The following PHLDB2 variants were observed in gnomAD, a reference collection of about 807,000 sequenced individuals.
PHLDB2 encodes pleckstrin homology like domain family B member 2, also known as pleckstrin homology-like domain family B member 2.
PHLDB2 carries 71 observed loss-of-function variants against 123.6 expected under a neutral mutation model. The ratio of observed to expected loss-of-function variants is 0.57; its 90% CI spans 0.47 to 0.70. The LOEUF is 0.70. Ranked by LOEUF, PHLDB2 falls within the 30% of genes least tolerant of loss-of-function variation. PHLDB2 has a pLI of 0.00. For synonymous variants in PHLDB2, 547 were observed against 541.6 expected, an observed-to-expected ratio of 1.01 and a Z score of -0.14; for missense variants, 1,446 against 1,519.5, an observed-to-expected ratio of 0.95 and a Z score of 0.80.
At chr3:111,830,955 G>GAGAGAGAGAGAAAGAAAGAAAGAAAGAA (rs1553736315) in intron 1 of PHLDB2, among the ~76,000 whole-genome samples, 3 of 63,706 alleles carry the variant, frequency 4.7e-5, no homozygotes, top group African/African-American at 7.4e-5. Flanking sequence ...AAGAAAGAAA[G>GAGAGAGAGAGAAAGAAAGAAAGAAAGAA]AGAAAGAAAG....
At chr3:111,963,790 A>G (rs1164772147) in intron 13 of PHLDB2, among the ~76,000 whole-genome samples, 1 of 152,216 alleles carries the variant, frequency 6.6e-6, no homozygotes, top group African/African-American at 2.4e-5. Flanking sequence ...AACAAATCTT[A>G]AGCAGAAAAG....
intron 1 of PHLDB2, among the ~76,000 whole-genome samples, chr3:111,774,275 A>G (rs1299975784): frequency 6.6e-6 from 1 of 152,172 alleles, no homozygotes; most frequent in Non-Finnish European, 1.5e-5. Context: ...TCAGGAATGC[A>G]TTTCACAGCA....
intron 1 of PHLDB2, among the ~76,000 whole-genome samples, chr3:111,824,775 A>C (rs1000348086): frequency 3.3e-5 from 5 of 152,228 alleles, no homozygotes; most frequent in African/African-American, 9.6e-5. Context: ...CTAATTTGAC[A>C]AACTTGTGGC....
intron 1 of PHLDB2, among the ~76,000 whole-genome samples, chr3:111,866,218 A>G (rs970132351): frequency 2.0e-5 from 3 of 151,948 alleles, no homozygotes; most frequent in East Asian, 3.9e-4. Context: ...GGGTTTCGCC[A>G]TATTGGCCAG....
chr3:111,942,959 C>A (rs1577147617), intron 8 of PHLDB2, among the ~76,000 whole-genome samples: 1 of 152,062 alleles, frequency 6.6e-6, no homozygotes, highest in South Asian at 2.1e-4. Context: ...CTTGCAGGAA[C>A]CCAACCCTGT....
At chr3:111,925,959 GA>G (rs1377216359) in intron 5 of PHLDB2, among the ~76,000 whole-genome samples, 2 of 152,356 alleles carry the variant, frequency 1.3e-5, no homozygotes, top group East Asian at 3.9e-4. Flanking sequence ...AAATGGTTAA[GA>G]AAAGCTTCTG....
intron 1 of PHLDB2, among the ~76,000 whole-genome samples, chr3:111,776,162 C>T (rs1670178969): frequency 1.3e-5 from 2 of 152,030 alleles, no homozygotes; most frequent in Non-Finnish European, 2.9e-5. Flanking sequence ...AAATGTGGAC[C>T]TTTAGAGGAA....
intron 4 of PHLDB2, among the ~76,000 whole-genome samples, chr3:111,920,002 G>A (rs1282796941): frequency 6.6e-6 from 1 of 152,160 alleles, no homozygotes; most frequent in Non-Finnish European, 1.5e-5. Flanking sequence ...GAAGCAAATA[G>A]GCAAAATATC....
At chr3:111,820,940 G>A (rs568944534) in intron 1 of PHLDB2, among the ~76,000 whole-genome samples, 1 of 152,308 alleles carries the variant, frequency 6.6e-6, no homozygotes, top group South Asian at 2.1e-4. Flanking sequence ...CCAGAGTCAA[G>A]CAAGATTTTG....
chr3:111,877,077 A>G (rs904131501), intron 1 of PHLDB2, among the ~76,000 whole-genome samples: 3 of 152,186 alleles, frequency 2.0e-5, no homozygotes, highest in African/African-American at 7.2e-5. Flanking sequence ...TCCTTTGGGT[A>G]TATATCCAGT....
chr3:111,924,776 A>C (rs1000901429), intron 5 of PHLDB2, among the ~76,000 whole-genome samples: 2 of 152,240 alleles, frequency 1.3e-5, no homozygotes, highest in Admixed American at 6.5e-5. Context: ...ACAAGGCCGG[A>C]GCCATAGGAA....
rs972871881 is a variant in PHLDB2 at position 111,779,905 on chromosome 3, G to C, written c.-49+47202G>C. ...TCAGCCATGGCCAATGAAGGGTTGG[G>C]TCATACACCCAACACTTGGCTATTT... On this transcript the variant is annotated intron_variant, in intron 1 of 17. Transcript: ENST00000393923. The C allele has an allele frequency of 1.9e-5, 18 of 969,706 alleles. No individual in the cohort carries two copies. The African/African-American group carries it at 3.2e-4, about 17-fold the overall frequency. The allele number at this position is 969,706 out of a possible 1,614,324, so 60.1% of individuals were successfully genotyped here. A position where few individuals can be genotyped will look rare whatever the true frequency, so the allele number is the denominator to read the frequency against.
intron 1 of PHLDB2, among the ~76,000 whole-genome samples, chr3:111,837,491 A>C (rs1321626116): frequency 6.6e-6 from 1 of 152,168 alleles, no homozygotes; most frequent in African/African-American, 2.4e-5. Context: ...TGCTGTACTC[A>C]AATAAATCTG....
At chr3:111,817,136 T>C (rs1348312713) in intron 1 of PHLDB2, among the ~76,000 whole-genome samples, 4 of 152,172 alleles carry the variant, frequency 2.6e-5, no homozygotes, top group Admixed American at 2.0e-4. Context: ...GTCTCAGGCA[T>C]GTCTTTATCA....
chr3:111,860,715 C>G (rs534215540), intron 1 of PHLDB2, among the ~76,000 whole-genome samples: 29 of 152,162 alleles, frequency 1.9e-4, no homozygotes, highest in African/African-American at 6.5e-4. Flanking sequence ...GGTAAACTAC[C>G]CGTGGCTGGA....
chr3:111,953,309 A>G (rs1231782225), intron 11 of PHLDB2, among the ~76,000 whole-genome samples: 2 of 152,156 alleles, frequency 1.3e-5, no homozygotes, highest in East Asian at 1.9e-4. Flanking sequence ...TGAGGGGATC[A>G]TTGTGGCAAG....
chr3:111,969,863 T>A lies in PHLDB2; in HGVS notation c.3489T>A (p.Arg1163=). Residue 1163 remains arginine, a synonymous_variant, in exon 16 of 18, where the codon CGT becomes CGA. Transcript: ENST00000431670. ...MGGKIKTWKK[R]WFVFDRNKRT... ...GGAAAATTAAAACGTGGAAAAAACG[T>A]TGGTTTGTTTTTGATCGGAACAAGC... The A allele has an allele frequency of 6.2e-7, 1 of 1,614,056 alleles. No homozygotes were observed. Among genetic ancestry groups the A allele is most frequent in the South Asian group, 1.1e-5 (1 of 91,086 alleles).
Position 111,913,646 on chromosome 3 carries a change from T to C in PHLDB2, c.1663T>C (p.Ser555Pro). The C allele has an allele frequency of 6.2e-7, 1 of 1,613,898 alleles. No homozygotes were observed. Among genetic ancestry groups the C allele is most frequent in the Non-Finnish European group, 8.5e-7 (1 of 1,179,862 alleles). Residue 555 changes from serine to proline, a missense_variant, in exon 3 of 18, where the codon TCC becomes CCC. This residue lies in a region of PHLDB2 where 832 missense variants were observed against 831.9 expected (regional missense o/e 1.00). Coordinates refer to ENST00000431670, the MANE Select transcript of PHLDB2 (RefSeq NM_001134438.2). ...SDLTRTPPPP[S>P]STFPKASSES... ...CCTCACCCGGACTCCTCCACCACCA[T>C]CCTCCACCTTTCCGAAAGCTTCCAG...
intron 1 of PHLDB2, among the ~76,000 whole-genome samples, chr3:111,838,088 A>G (rs1283360147): frequency 6.6e-6 from 1 of 152,034 alleles, no homozygotes; most frequent in Non-Finnish European, 1.5e-5. Flanking sequence ...ACATTACTGA[A>G]CCTACCAACA....
Sources: gnomAD v4.1 joint callset for allele counts (sites outside exome capture counted in the v4.1 genomes callset) on GRCh38, gnomAD v4.1.1 for gene constraint, gnomAD v4.1.1 regional missense constraint, MANE v1.5 for transcripts, NCBI Gene and HGNC (gene_info 2026-07-23, HGNC 2026-07-21) for gene names.